Variants in GLP1R observed in about 807,000 individuals in gnomAD.
GLP1R encodes glucagon-like peptide 1 receptor.
A neutral mutation model predicts 68.4 loss-of-function variants in GLP1R; 32 were observed. The ratio of observed to expected loss-of-function variants is 0.47; its 90% CI spans 0.35 to 0.63. The LOEUF (loss-of-function observed/expected upper bound fraction) is 0.63, where lower values mean the gene tolerates loss of function less well. Among genes scored for constraint, GLP1R ranks in the 20% least tolerant of loss-of-function variants. The probability of loss-of-function intolerance (pLI) is 0.00; values close to 1 mark genes in which losing one functional copy is unlikely to be tolerated. For missense variants in GLP1R, 502 were observed against 594.9 expected, an observed-to-expected ratio of 0.84 and a Z score of 1.62; for synonymous variants, 263 against 244.4, an observed-to-expected ratio of 1.08 and a Z score of -0.71.
intron 2 of GLP1R, among the ~76,000 whole-genome samples, chr6:39,056,721 A>G (rs1768223186): frequency 6.6e-6 from 1 of 152,202 alleles, no homozygotes; most frequent in Non-Finnish European, 1.5e-5. Context: ...TGCCTCCTCC[A>G]GAAAATCTTC....
intron 1 of GLP1R, among the ~76,000 whole-genome samples, chr6:39,053,104 T>C (rs1048655113): frequency 6.6e-6 from 1 of 152,182 alleles, no homozygotes; most frequent in Non-Finnish European, 1.5e-5. Context: ...GAAACTGCCA[T>C]CCTGCCCTTC....
At position 39,074,223 on chromosome 6, in the gene GLP1R, AG is replaced by A. The variant is rs10305480; in HGVS notation, c.823+457del. The A allele has an allele frequency of 9.3e-4, 147 of 157,654 alleles. 4 individuals are homozygous for A. The East Asian group carries it at 0.025, about 27-fold the overall frequency. 9.8% of individuals were successfully genotyped at this position (157,654 alleles called of 1,614,324 possible). A position where few individuals can be genotyped will look rare whatever the true frequency, so the allele number is the denominator to read the frequency against. On this transcript the variant is annotated intron_variant, in intron 7 of 12. Transcript: ENST00000373256. ...GCTCTGTCACATGACGATGAAGAGG[AG>A]GGCTCAGAGGAGAGCCAAGTACAGT...
At chr6:39,057,384 C>A in intron 2 of GLP1R, 88 bp from the exon 3 acceptor site, 1 of 819,872 alleles carries the variant, frequency 1.2e-6, no homozygotes. Context: ...ATGCAGCCTC[C>A]GAGGAGGGGA....
At chr6:39,065,291 G>T (rs941594147) in intron 3 of GLP1R, among the ~76,000 whole-genome samples, 1 of 152,212 alleles carries the variant, frequency 6.6e-6, no homozygotes, top group Non-Finnish European at 1.5e-5. Context: ...GAAATAGCGA[G>T]TGACTGCGGG....
intron 3 of GLP1R, among the ~76,000 whole-genome samples, chr6:39,059,611 C>T (rs1768308672): frequency 1.3e-5 from 2 of 152,186 alleles, no homozygotes; most frequent in East Asian, 1.9e-4. Flanking sequence ...TGGTATAGAG[C>T]CAAGTGACAT....
chr6:39,073,456 A>C (rs976949412), intron 6 of GLP1R, among the ~76,000 whole-genome samples, 154 bp from the exon 7 acceptor site: 3 of 152,234 alleles, frequency 2.0e-5, no homozygotes, highest in African/African-American at 7.2e-5. Flanking sequence ...GCTAAAGCAG[A>C]TAAAGTCCTT....
intron 3 of GLP1R, among the ~76,000 whole-genome samples, chr6:39,058,276 C>T (rs1329962800): frequency 6.6e-6 from 1 of 152,154 alleles, no homozygotes; most frequent in African/African-American, 2.4e-5. Context: ...TGGCCCATAC[C>T]TGGCAGTGAC....
intron 5 of GLP1R, among the ~76,000 whole-genome samples, chr6:39,068,648 G>A (rs141562418): frequency 3.1e-4 from 47 of 152,308 alleles, no homozygotes; most frequent in Middle Eastern, 3.4e-3. Context: ...TTACTGCTAC[G>A]TCCTCCAGAG....
At chr6:39,069,551 T>G (rs1265161367) in intron 5 of GLP1R, among the ~76,000 whole-genome samples, 1 of 132,740 alleles carries the variant, frequency 7.5e-6, no homozygotes, top group Non-Finnish European at 1.7e-5. Context: ...GAGAATGGCG[T>G]GAACCTGGGA....
At position 39,057,453 on chromosome 6, in the gene GLP1R, C is replaced by G. The variant is rs1015238900; in HGVS notation, c.176-19C>G. 1.3e-6 allele frequency: 2 copies of G among 1,527,386 alleles called. No individual in the cohort carries two copies. The highest frequency in any genetic ancestry group is 1.1e-5 in the South Asian group (1 of 88,966). The allele number at this position is 1,527,386 out of a possible 1,614,324, so 94.6% of individuals were successfully genotyped here. A position where few individuals can be genotyped will look rare whatever the true frequency, so the allele number is the denominator to read the frequency against. On this transcript the variant is annotated intron_variant, in intron 2 of 12. Transcript: ENST00000373256. ...CCAGTCACAAGCAGGGACTCAGAGA[C>G]TGTTCTTTCTGCTCCCAGACTTGTT...
At position 39,066,235 on chromosome 6, in the gene GLP1R, C is replaced by T. The variant is rs199790397; in HGVS notation, c.441C>T (p.Ile147=). 2 of 1,613,010 alleles carry T rather than the reference C, an allele frequency of 1.2e-6. No homozygotes were observed. Among genetic ancestry groups the T allele is most frequent in the Non-Finnish European group, 1.7e-6 (2 of 1,179,000 alleles). ...PEEQLLFLYI[I]YTVGYALSFS... ...AGCAGCTCCTGTTCCTCTACATCAT[C>T]TACACGGTGGGCTACGCACTCTCCT... The change falls in exon 5 of 13, where the codon ATC becomes ATT. Residue 147 remains isoleucine, a synonymous_variant. Transcript: ENST00000373256.
intron 12 of GLP1R, among the ~76,000 whole-genome samples, chr6:39,084,672 C>G (rs1769099860): frequency 6.6e-6 from 1 of 152,214 alleles, no homozygotes. Context: ...CAGCCTCCTT[C>G]CCTCCCCCAC....
chr6:39,071,654 GT>G (rs1768670785), intron 5 of GLP1R, among the ~76,000 whole-genome samples: 1 of 152,018 alleles, frequency 6.6e-6, no homozygotes, highest in African/African-American at 2.4e-5. Context: ...GTCACCTACA[GT>G]TTTTTTCTGT....
At position 39,056,882 on chromosome 6, in the gene GLP1R, C is replaced by T. The variant is rs185160058; in HGVS notation, c.175+389C>T. 1.1e-3 allele frequency among the ~76,000 whole-genome samples: 173 copies of T among 152,292 alleles called. 5 individuals are homozygous for T. The East Asian group carries it at 0.029, about 25-fold the overall frequency. Reference sequence around the variant, plus strand: ...GCTAGAGCCTCTCAGAGCAGGCACCCGGCCTTTCCATTTTTGTCCTCAGCA... The same window carrying T: ...GCTAGAGCCTCTCAGAGCAGGCACCTGGCCTTTCCATTTTTGTCCTCAGCA... On this transcript the variant is annotated intron_variant, in intron 2 of 12. Coordinates refer to ENST00000373256, the MANE Select transcript of GLP1R (RefSeq NM_002062.5).
In GLP1R at chr6:39,079,071, T is replaced by G. The variant is rs1583647236; in HGVS notation, c.955-41T>G. Reference sequence around the variant, plus strand: ...ATGGGAGTGGCAGCTATGATAGGGCTGGGCTGGTGCCCCCTGCCAATCCCC... The same window carrying G: ...ATGGGAGTGGCAGCTATGATAGGGCGGGGCTGGTGCCCCCTGCCAATCCCC... On this transcript the variant is annotated intron_variant, in intron 9 of 12. Transcript: ENST00000373256. This position sits in a 1 kb window ranked among gnomAD's most constrained non-coding sequence, Gnocchi z 4.5. The G allele has an allele frequency of 6.2e-7, 1 of 1,606,450 alleles. No homozygotes were observed. Among genetic ancestry groups the G allele is most frequent in the Non-Finnish European group, 8.5e-7 (1 of 1,172,984 alleles).
chr6:39,075,289 CAGG>C (rs1221439678), intron 7 of GLP1R, among the ~76,000 whole-genome samples: 7 of 152,338 alleles, frequency 4.6e-5, no homozygotes, highest in Admixed American at 4.6e-4. Flanking sequence ...CCTGCTAGAG[CAGG>C]AGGAGGGAGG....
intron 3 of GLP1R, among the ~76,000 whole-genome samples, chr6:39,064,944 T>A (rs1016984393): frequency 1.3e-5 from 2 of 152,190 alleles, no homozygotes; most frequent in African/African-American, 2.4e-5. Flanking sequence ...ATCCCTTTCC[T>A]CTCTCCAAGG....
At chr6:39,051,105 C>T (rs1409988000) in intron 1 of GLP1R, among the ~76,000 whole-genome samples, 4 of 152,124 alleles carry the variant, frequency 2.6e-5, no homozygotes, top group South Asian at 2.1e-4. Flanking sequence ...GGTGAGGGAG[C>T]GGGCCTACTG....
chr6:39,073,844 C>A, intron 7 of GLP1R, 75 bp downstream of exon 7: 3 of 1,376,400 alleles, frequency 2.2e-6, no homozygotes, highest in Non-Finnish European at 3.1e-6. Flanking sequence ...TAACATGGTA[C>A]TTGGAACGCA....
Sources: gnomAD v4.1 joint callset for allele counts (sites outside exome capture counted in the v4.1 genomes callset) on GRCh38, gnomAD v4.1.1 for gene constraint, Gnocchi (gnomAD v3.1) non-coding constraint, MANE v1.5 for transcripts, NCBI Gene and HGNC (gene_info 2026-07-23, HGNC 2026-07-21) for gene names.